The following DMD variants were observed in gnomAD, a reference collection of about 807,000 sequenced individuals.
DMD encodes the protein dystrophin, also known as mutant dystrophin.
DMD carries 63 observed loss-of-function variants against 330.1 expected under a neutral mutation model. That is an observed-to-expected ratio of 0.19 (90% confidence interval 0.16 to 0.24). The LOEUF (loss-of-function observed/expected upper bound fraction) is 0.24. Among genes scored for constraint, DMD ranks in the 10% least tolerant of loss-of-function variants. The probability of loss-of-function intolerance (pLI) is 1.00; values close to 1 mark genes in which losing one functional copy is unlikely to be tolerated. For synonymous variants in DMD, 1,223 were observed against 959.8 expected (o/e 1.27, Z -5.07); for missense variants, 3,344 against 2,684.1 (o/e 1.25, Z -5.43).
intron 11 of DMD, among the ~76,000 whole-genome samples, chrX:32,629,647 G>T (rs1231449898): frequency 9.1e-6 from 1 of 110,156 alleles, no homozygotes; most frequent in Admixed American, 9.7e-5. Context: ...AATTTTCTCT[G>T]GTCATATGTT....
chrX:32,321,500 C>T (rs1025723930), intron 41 of DMD, among the ~76,000 whole-genome samples: 8 of 111,062 alleles, frequency 7.2e-5, no homozygotes, highest in Admixed American at 6.8e-4. Context: ...GGGGTCAGTA[C>T]CTGCTAGTTT....
intron 9 of DMD, among the ~76,000 whole-genome samples, chrX:32,694,690 C>T (rs2063517451): frequency 8.9e-6 from 1 of 111,800 alleles, no homozygotes; most frequent in Non-Finnish European, 1.9e-5. Flanking sequence ...GAGTTTCACT[C>T]TTGTTGCCCA....
chrX:32,950,957 G>C (rs1247523459), intron 2 of DMD, among the ~76,000 whole-genome samples: 1 of 111,195 alleles, frequency 9.0e-6, no homozygotes, highest in East Asian at 2.8e-4. Context: ...TGTCCAATTC[G>C]CAGGTGGTAC....
rs778734249 is a variant in DMD, at chrX:32,065,421, TACAAA to T, written c.6439-96912_6439-96908del. Among the ~76,000 whole-genome samples the T allele has an allele frequency of 2.3e-3, 254 of 112,048 alleles. 1 individual carries two copies. The highest frequency in any genetic ancestry group is 3.1e-3 in the Non-Finnish European group (164 of 52,941). ...AGATTAATTGAAACTAGTTCAAGTC[TACAAA>T]ACAAGTTTGCTCTCATAATTGAATG... On this transcript the variant is annotated intron_variant, in intron 44 of 78. Transcript: ENST00000357033.
chrX:32,928,002 A>G (rs1436403919), intron 2 of DMD, among the ~76,000 whole-genome samples: 1 of 111,446 alleles, frequency 9.0e-6, no homozygotes, highest in African/African-American at 3.3e-5. Flanking sequence ...AAATTTTAGG[A>G]CTTTAGCAAA....
chrX:33,053,599 A>G (rs1450171623), intron 1 of DMD, among the ~76,000 whole-genome samples: 1 of 110,846 alleles, frequency 9.0e-6, no homozygotes, highest in Non-Finnish European at 1.9e-5. Context: ...CCATCTCAAA[A>G]AAAGAAAAGA....
chrX:32,686,680 T>C (rs1016639828), intron 9 of DMD, among the ~76,000 whole-genome samples: 9 of 110,533 alleles, frequency 8.1e-5, no homozygotes, highest in African/African-American at 3.0e-4. Context: ...TGAATATAGT[T>C]TCATTAAAAT....
At chrX:32,927,638 G>A (rs1182456879) in intron 2 of DMD, among the ~76,000 whole-genome samples, 2 of 110,967 alleles carry the variant, frequency 1.8e-5, no homozygotes, top group Non-Finnish European at 1.9e-5. Flanking sequence ...TTAAGTTTTC[G>A]GGTATTTAGG....
At chrX:31,679,715 T>A in intron 52 of DMD, 129 bp from the exon 53 acceptor site, 1 of 567,338 alleles carries the variant, frequency 1.8e-6, no homozygotes. Flanking sequence ...GTGTTATGGC[T>A]AGGATGATGA....
chrX:32,996,248 A>G (rs953696207), intron 2 of DMD, among the ~76,000 whole-genome samples: 35 of 111,253 alleles, frequency 3.1e-4, no homozygotes, highest in Non-Finnish European at 3.0e-4. Context: ...AAAGGTCTCA[A>G]TAGACATTTT....
At chrX:33,071,181 G>T (rs1322852112) in intron 1 of DMD, among the ~76,000 whole-genome samples, 1 of 111,052 alleles carries the variant, frequency 9.0e-6, no homozygotes, top group Non-Finnish European at 1.9e-5. Context: ...GCCGGACTTG[G>T]TGGCTCACAC....
chrX:33,173,265 G>A (rs1016381621), intron 1 of DMD, among the ~76,000 whole-genome samples: 6 of 111,185 alleles, frequency 5.4e-5, no homozygotes, highest in African/African-American at 2.0e-4. Flanking sequence ...TAGATTCTGT[G>A]TTTACATTTG....
chrX:32,481,429 T>C (rs1289925559), intron 21 of DMD, among the ~76,000 whole-genome samples: 1 of 111,265 alleles, frequency 9.0e-6, no homozygotes, highest in African/African-American at 3.3e-5. Context: ...CAACTAAGGG[T>C]ACTTAATTTC....
chrX:32,748,554 A>C (rs1247451542), intron 7 of DMD, among the ~76,000 whole-genome samples: 1 of 111,349 alleles, frequency 9.0e-6, no homozygotes, highest in Non-Finnish European at 1.9e-5. Flanking sequence ...ATATATTTTG[A>C]AATGAGTCTT....
At chrX:33,225,942 A>G (rs762308102) in intron 1 of DMD, among the ~76,000 whole-genome samples, 24 of 111,723 alleles carry the variant, frequency 2.1e-4, no homozygotes, top group Non-Finnish European at 3.8e-4. Flanking sequence ...CAAAGACAAC[A>G]CATAGATGGC....
intron 55 of DMD, among the ~76,000 whole-genome samples, chrX:31,515,065 T>C (rs1488373326): frequency 2.7e-5 from 3 of 111,011 alleles, no homozygotes; most frequent in Non-Finnish European, 1.9e-5. Flanking sequence ...TACTATTTCA[T>C]TCAAAAAGTA....
At chrX:32,740,180 T>C (rs1274772853) in intron 7 of DMD, among the ~76,000 whole-genome samples, 2 of 110,164 alleles carry the variant, frequency 1.8e-5, no homozygotes, top group African/African-American at 6.6e-5. Flanking sequence ...ATGACCCTTC[T>C]CTCAGCCCAG....
chrX:31,511,707 C>T (rs1203783347), intron 55 of DMD, among the ~76,000 whole-genome samples: 1 of 108,639 alleles, frequency 9.2e-6, no homozygotes, highest in African/African-American at 3.4e-5. Context: ...TGTATATGTG[C>T]CACATTTTCT....
intron 3 of DMD, among the ~76,000 whole-genome samples, chrX:32,848,946 G>C (rs773353784): frequency 9.0e-6 from 1 of 110,981 alleles, no homozygotes; most frequent in South Asian, 4.0e-4. Context: ...AACTGACTTT[G>C]AACGACAGCT....
Sources: allele counts gnomAD v4.1 joint callset (sites outside exome capture counted in the v4.1 genomes callset), GRCh38; gene constraint gnomAD v4.1.1; transcripts MANE v1.5; gene names NCBI Gene and HGNC (gene_info 2026-07-23, HGNC 2026-07-21).